DMP1: variants seen among roughly 807,000 people sequenced by gnomAD.
DMP1 encodes the protein dentin matrix acidic phosphoprotein 1, also known as dentin matrix protein 1.
DMP1 carries 20 observed loss-of-function variants against 14.6 expected under a neutral mutation model. That is an observed-to-expected ratio of 1.37 (90% CI 0.96 to 1.99). The LOEUF (loss-of-function observed/expected upper bound fraction) is 1.99, where lower values mean the gene tolerates loss of function less well. Ranked by LOEUF, DMP1 falls within the 30% of genes most tolerant of loss-of-function variation. DMP1 has a pLI of 0.00. For synonymous variants in DMP1, 197 were observed against 215.3 expected (o/e 0.91, Z 0.75); for missense variants, 567 against 620.5 (o/e 0.91, Z 0.92).
chr4:87,654,091 GC>G (rs1728614229), intron 1 of DMP1, among the ~76,000 whole-genome samples: 1 of 152,158 alleles, frequency 6.6e-6, no homozygotes, highest in African/African-American at 2.4e-5. Flanking sequence ...TCTCCGTGCA[GC>G]ATTTCTTCCT....
intron 3 of DMP1, chr4:87,658,715 T>G (rs903597024): frequency 3.6e-5 from 6 of 168,314 alleles, no homozygotes; most frequent in African/African-American, 1.4e-4. Context: ...AATAAGAAAC[T>G]GGTGGTCAGA....
At chr4:87,656,360 T>C (rs1160643697) in intron 1 of DMP1, 112 bp from the exon 2 acceptor site, 1 of 738,798 alleles carries the variant, frequency 1.4e-6, no homozygotes, top group Non-Finnish European at 2.5e-6. Context: ...TATTTATCCA[T>C]TCATCAGTTC....
At position 87,663,218 on chromosome 4, in the gene DMP1, G is replaced by A. The variant is rs949379753; in HGVS notation, c.1440G>A (p.Gln480=). 2.5e-6 allele frequency: 4 copies of A among 1,614,230 alleles called. No individual in the cohort carries two copies. The highest frequency in any genetic ancestry group is 3.4e-6 in the Non-Finnish European group (4 of 1,180,050). ...AATCAAGCAGTGAGGAAGATGGCCA[G>A]TTGAAAAACATTGAGATAGAGAGCC... ...ESKSSSEEDG[Q]LKNIEIESRK... is the part of the protein sequence containing the mutation. Residue 480 remains glutamine, a synonymous_variant, in exon 6 of 6, where the codon CAG becomes CAA. Coordinates refer to ENST00000339673, the MANE Select transcript of DMP1 (RefSeq NM_004407.4).
intron 2 of DMP1, 54 bp downstream of exon 2, chr4:87,656,600 C>A: frequency 3.2e-6 from 4 of 1,230,886 alleles, no homozygotes; most frequent in Middle Eastern, 1.8e-4. Flanking sequence ...TAAAACTCCA[C>A]AATTTTGATT....
intron 5 of DMP1, 124 bp downstream of exon 5, chr4:87,659,602 A>C: frequency 1.0e-6 from 1 of 957,240 alleles, no homozygotes; most frequent in South Asian, 1.3e-5. Context: ...ATGCTGGCTA[A>C]AGAGTCCTAT....
intron 1 of DMP1, among the ~76,000 whole-genome samples, chr4:87,655,181 C>T (rs922025268): frequency 1.1e-4 from 16 of 152,188 alleles, no homozygotes; most frequent in African/African-American, 3.9e-4. Context: ...AATAAACTTG[C>T]AGGATTATTT....
At chr4:87,657,654 C>T (rs1018629264) in intron 3 of DMP1, among the ~76,000 whole-genome samples, 2 of 152,150 alleles carry the variant, frequency 1.3e-5, no homozygotes, top group East Asian at 1.9e-4. Flanking sequence ...GTAATTCAAT[C>T]GTCTAGGTTA....
At chr4:87,653,407 A>ATATATATATATAT (rs1560489288) in intron 1 of DMP1, among the ~76,000 whole-genome samples, 14 of 104,164 alleles carry the variant, frequency 1.3e-4, no homozygotes, top group Admixed American at 3.0e-4. Flanking sequence ...ATATATATAT[A>ATATATATATATAT]TATATATATA....
intron 5 of DMP1, among the ~76,000 whole-genome samples, chr4:87,659,828 G>A (rs1389490492): frequency 6.6e-6 from 1 of 152,152 alleles, no homozygotes; most frequent in African/African-American, 2.4e-5. Context: ...TTTACAATTG[G>A]AGCAGTTCAG....
At position 87,663,389 on chromosome 4, in the gene DMP1, C is replaced by T; in HGVS notation, c.*69C>T. On this transcript the variant is annotated 3_prime_UTR_variant, in exon 6 of 6. Transcript: ENST00000339673. ...GGGACTTGAAAATGTATCATGATAA[C>T]TATAATTTATTGATGTTTTGATCAA... is the stretch of plus-strand genomic sequence containing the variant. 1.2e-6 allele frequency: 2 copies of T among 1,608,070 alleles called. No individual in the cohort carries two copies. The highest frequency in any genetic ancestry group is 2.2e-5 in the South Asian group (2 of 90,632).
Position 87,656,943 on chromosome 4 carries a change from A to G in DMP1, c.55-89A>G, listed in dbSNP as rs558296261. The G allele has an allele frequency of 1.5e-4, 125 of 828,982 alleles. 2 individuals carry two copies. In the African/African-American group the frequency reaches 1.7e-3, roughly 11 times the overall value. The allele number at this position is 828,982 out of a possible 1,614,324, so 51.4% of individuals were successfully genotyped here. ...TGATTCTGATGCAGCCTAAAATTTG[A>G]CTATCCCTACTCCTATGTATGAAAT... On this transcript the variant is annotated intron_variant, in intron 2 of 5. Coordinates refer to ENST00000339673, the MANE Select transcript of DMP1 (RefSeq NM_004407.4).
intron 1 of DMP1, among the ~76,000 whole-genome samples, chr4:87,654,504 T>G (rs997281195): frequency 2.6e-5 from 4 of 152,186 alleles, no homozygotes; most frequent in African/African-American, 9.7e-5. Context: ...AGACTTATCT[T>G]GCCAAAATTG....
chr4:87,659,380 T>C, intron 4 of DMP1, 51 bp from the exon 5 acceptor site: 1 of 1,608,348 alleles, frequency 6.2e-7, no homozygotes, highest in Non-Finnish European at 8.5e-7. Flanking sequence ...CATGTTTTTT[T>C]CTTTCCTAAG....
In DMP1 at chr4:87,661,940, A is replaced by T; in HGVS notation, c.184-22A>T. On this transcript the variant is annotated intron_variant, in intron 5 of 5. Transcript: ENST00000339673. The stretch of plus-strand genomic sequence containing the variant: ...TATCGGTTCCTGGAATACTGACCAT[A>T]TCTGTTAACCCCAAATTCTAGGCAA... 1.9e-6 allele frequency: 3 copies of T among 1,614,142 alleles called. No individual in the cohort carries two copies. The South Asian group carries it at 3.3e-5, about 18-fold the overall frequency.
At chr4:87,654,273 T>C (rs1409297408) in intron 1 of DMP1, among the ~76,000 whole-genome samples, 1 of 152,202 alleles carries the variant, frequency 6.6e-6, no homozygotes. Flanking sequence ...TTCTGGTTTC[T>C]ATAACCTGCC....
Position 87,662,545 on chromosome 4 carries a change from G to A in DMP1, c.767G>A (p.Gly256Asp), listed in dbSNP as rs2110016891. 6.2e-7 allele frequency: 1 copy of A among 1,614,124 alleles called. No homozygotes were observed. Among genetic ancestry groups the A allele is most frequent in the Non-Finnish European group, 8.5e-7 (1 of 1,180,032 alleles). The change falls in exon 6 of 6, where the codon GGC (glycine) becomes GAC (aspartate). Residue 256 changes from glycine (G) to aspartate (D), a missense_variant. Coordinates refer to ENST00000339673, the MANE Select transcript of DMP1 (RefSeq NM_004407.4). ...SEQANTQDSG[G>D]SQLLEHPSRK... ...CAAGCAAACACTCAAGATTCAGGTG[G>A]CAGCCAATTGCTGGAGCATCCCAGT...
Position 87,663,465 on chromosome 4 carries a change from A to G in DMP1, c.*145A>G, listed in dbSNP as rs1728992609. ...CCTGAAAGGAATTGCTGGACATTAC[A>G]CTTGTTTTTAGGGTGTCATCATTTC... On this transcript the variant is annotated 3_prime_UTR_variant, in exon 6 of 6. Transcript: ENST00000339673. 16 of 1,247,622 alleles carry G rather than the reference A, an allele frequency of 1.3e-5. 1 individual carries two copies. In the South Asian group the frequency reaches 2.1e-4, roughly 16 times the overall value. The allele number at this position is 1,247,622 out of a possible 1,614,324, so 77.3% of individuals were successfully genotyped here. A position where few individuals can be genotyped will look rare whatever the true frequency, so the allele number is the denominator to read the frequency against.
In DMP1 at chr4:87,657,583, T is replaced by C. The variant is rs146929772; in HGVS notation, c.102+504T>C. ...TATTAACTTTCTTAATTTTCACACC[T>C]CTGTGAATTAGGTATTATGTTTTAT... On this transcript the variant is annotated intron_variant, in intron 3 of 5. Coordinates refer to ENST00000339673, the MANE Select transcript of DMP1 (RefSeq NM_004407.4). 3.5e-3 allele frequency among the ~76,000 whole-genome samples: 533 copies of C among 152,350 alleles called. 6 individuals are homozygous for C. Among genetic ancestry groups the C allele is most frequent in the South Asian group, 0.029 (142 of 4,830 alleles).
chr4:87,652,432 T>C (rs1464683152), intron 1 of DMP1, among the ~76,000 whole-genome samples: 1 of 152,188 alleles, frequency 6.6e-6, no homozygotes, highest in African/African-American at 2.4e-5. Context: ...TAAGATCTGA[T>C]TTTCTTTAAT....
Sources: gnomAD v4.1 joint callset for allele counts (sites outside exome capture counted in the v4.1 genomes callset) on GRCh38, gnomAD v4.1.1 for gene constraint, MANE v1.5 for transcripts, NCBI Gene and HGNC (gene_info 2026-07-23, HGNC 2026-07-21) for gene names.